Variants in ARHGEF4 observed in about 807,000 individuals in gnomAD.
ARHGEF4 encodes APC-stimulated guanine nucleotide exchange factor 1.
Under a neutral mutation model 162.0 loss-of-function variants are expected in ARHGEF4, and 119 were observed. The ratio of observed to expected loss-of-function variants is 0.73; its 90% CI spans 0.63 to 0.86. ARHGEF4 has a LOEUF of 0.86. Ranked by LOEUF, ARHGEF4 falls within the 40% of genes least tolerant of loss-of-function variation. The pLI is 0.00. For synonymous variants in ARHGEF4, 1,014 were observed against 979.9 expected (o/e 1.03, Z -0.65); for missense variants, 2,488 against 2,456.0 (o/e 1.01, Z -0.28).
chr2:131,029,551 C>T (rs367958667), intron 5 of ARHGEF4, among the ~76,000 whole-genome samples: 1 of 141,050 alleles, frequency 7.1e-6, no homozygotes, highest in African/African-American at 2.7e-5. Context: ...TGTGCTTTTC[C>T]TTTTTTTTTT....
At chr2:131,045,533 A>G (rs149686821) in intron 13 of ARHGEF4, 87 bp downstream of exon 13, 1 of 1,612,474 alleles carries the variant, frequency 6.2e-7, no homozygotes, top group African/African-American at 1.3e-5. Flanking sequence ...AAGCCAAGCC[A>G]GCTAGCCACC....
chr2:131,025,830 C>T (rs970443244), intron 4 of ARHGEF4, among the ~76,000 whole-genome samples: 1 of 152,152 alleles, frequency 6.6e-6, no homozygotes, highest in Admixed American at 6.5e-5. Flanking sequence ...CTCTCACAGA[C>T]GAGAAAATGT....
At chr2:130,921,552 AGT>A (rs1346511692) in intron 2 of ARHGEF4, among the ~76,000 whole-genome samples, 1 of 152,168 alleles carries the variant, frequency 6.6e-6, no homozygotes, top group African/African-American at 2.4e-5. Context: ...TCTCATTAGG[AGT>A]ATCCTTTGCT....
intron 4 of ARHGEF4, among the ~76,000 whole-genome samples, chr2:130,996,071 G>A (rs1687371614): frequency 6.6e-6 from 1 of 151,962 alleles, no homozygotes; most frequent in African/African-American, 2.4e-5. Context: ...TGTATTTTTA[G>A]TAGAGACGGG....
chr2:130,962,313 T>C (rs1003434189), intron 4 of ARHGEF4, among the ~76,000 whole-genome samples: 1 of 151,514 alleles, frequency 6.6e-6, no homozygotes, highest in Non-Finnish European at 1.5e-5. Context: ...AGGCACTCTT[T>C]CCTGGAGGAA....
At chr2:131,036,837 G>A (rs986382196) in intron 5 of ARHGEF4, among the ~76,000 whole-genome samples, 2 of 152,162 alleles carry the variant, frequency 1.3e-5, no homozygotes, top group Non-Finnish European at 2.9e-5. Flanking sequence ...TACAGCTCAC[G>A]CTCTCACTGG....
intron 2 of ARHGEF4, among the ~76,000 whole-genome samples, chr2:130,927,009 G>T (rs185738023): frequency 2.0e-5 from 3 of 151,672 alleles, no homozygotes; most frequent in East Asian, 3.9e-4. Flanking sequence ...GGTTATCTTG[G>T]GGTTGGCATG....
At position 130,836,935 on chromosome 2, in the gene ARHGEF4, G is replaced by T; in HGVS notation, c.-19G>T. On this transcript the variant is annotated 5_prime_UTR_variant, in exon 1 of 14. Transcript: ENST00000409359. The stretch of plus-strand genomic sequence containing the variant: ...GCTCGTAGTGCTGCGGCCGGGCTCC[G>T]GGCGTCCCGGCGGCCACCATGCTCA... 1.6e-6 allele frequency: 2 copies of T among 1,224,514 alleles called. No individual in the cohort carries two copies. The highest frequency in any genetic ancestry group is 8.2e-5 in the South Asian group (2 of 24,268). 75.9% of individuals were successfully genotyped at this position (1,224,514 alleles called of 1,614,324 possible). A position where few individuals can be genotyped will look rare whatever the true frequency, so the allele number is the denominator to read the frequency against.
At position 131,041,218 on chromosome 2, in the gene ARHGEF4, T is replaced by C. The variant is rs1285856542; in HGVS notation, c.4663-12T>C. ...GCAGAGAGCTCTGCTAACCTCCAGC[T>C]GTGCCCCTTAGCAAGCCGACTTCCA... On this transcript the variant is annotated splice_polypyrimidine_tract_variant and intron_variant, in intron 8 of 13. Transcript: ENST00000409359. 5 of 1,610,292 alleles carry C rather than the reference T, an allele frequency of 3.1e-6. No individual in the cohort carries two copies. In the African/African-American group the frequency reaches 6.7e-5, roughly 21 times the overall value.
chr2:130,963,627 C>CCCG (rs1379160137), intron 4 of ARHGEF4: 1 of 147,154 alleles, frequency 6.8e-6, no homozygotes, highest in Non-Finnish European at 1.5e-5. Context: ...CGCGCCCGCG[C>CCCG]CCGCCGCCGC....
At chr2:130,926,329 G>A (rs1485043510) in intron 2 of ARHGEF4, among the ~76,000 whole-genome samples, 1 of 151,750 alleles carries the variant, frequency 6.6e-6, no homozygotes, top group African/African-American at 2.4e-5. Flanking sequence ...GCTTTTTGAA[G>A]CATTTTTATG....
At chr2:130,953,195 G>C (rs1280043121) in intron 4 of ARHGEF4, among the ~76,000 whole-genome samples, 2 of 152,138 alleles carry the variant, frequency 1.3e-5, no homozygotes, top group Non-Finnish European at 2.9e-5. Flanking sequence ...CATGGTACTG[G>C]TACCAAAACA....
At chr2:131,015,209 C>T (rs1352230295) in intron 4 of ARHGEF4, among the ~76,000 whole-genome samples, 1 of 152,246 alleles carries the variant, frequency 6.6e-6, no homozygotes, top group African/African-American at 2.4e-5. Context: ...GTCTCTGCAG[C>T]AGAGCGCATT....
intron 4 of ARHGEF4, among the ~76,000 whole-genome samples, chr2:130,997,567 T>C (rs1270173703): frequency 6.6e-6 from 1 of 152,192 alleles, no homozygotes; most frequent in Admixed American, 6.5e-5. Flanking sequence ...ACTTTCTCCA[T>C]TACATAGAGT....
chr2:130,844,289 C>T (rs185557219), intron 1 of ARHGEF4, among the ~76,000 whole-genome samples: 176 of 152,338 alleles, frequency 1.2e-3, no homozygotes, highest in African/African-American at 4.0e-3. Context: ...ATTGGCCCAT[C>T]CCTGGCTCCG....
At chr2:130,982,227 G>A (rs948990681) in intron 4 of ARHGEF4, among the ~76,000 whole-genome samples, 1 of 152,002 alleles carries the variant, frequency 6.6e-6, no homozygotes, top group Non-Finnish European at 1.5e-5. Context: ...TCGAACTCCT[G>A]ACCTCAGGTG....
chr2:130,879,456 A>T lies in ARHGEF4; in HGVS notation c.40-34530A>T, dbSNP rs539802794. On this transcript the variant is annotated intron_variant, in intron 1 of 13. Coordinates refer to ENST00000409359, the MANE Select transcript of ARHGEF4 (RefSeq NM_001367493.1). ...CTTGCTTTTTTGATGAGAACTGTCA[A>T]AATCTACCCTTTTAGTAATTTTCAA... Among the ~76,000 whole-genome samples, 8 of 152,312 alleles carry T rather than the reference A, an allele frequency of 5.3e-5. No individual in the cohort carries two copies. In the South Asian group the frequency reaches 1.4e-3, roughly 28 times the overall value.
At chr2:130,941,267 C>A (rs867882173) in intron 3 of ARHGEF4, among the ~76,000 whole-genome samples, 1 of 149,134 alleles carries the variant, frequency 6.7e-6, no homozygotes, top group South Asian at 2.1e-4. Context: ...AGTGCAGTGG[C>A]GTGATCTCAG....
chr2:130,958,915 C>T (rs372665853), intron 4 of ARHGEF4, among the ~76,000 whole-genome samples: 1 of 151,656 alleles, frequency 6.6e-6, no homozygotes, highest in East Asian at 1.9e-4. Flanking sequence ...TGGCTGTGCT[C>T]ATGGCATATC....
Sources: allele counts gnomAD v4.1 joint callset (sites outside exome capture counted in the v4.1 genomes callset), GRCh38; gene constraint gnomAD v4.1.1; transcripts MANE v1.5; gene names NCBI Gene and HGNC (gene_info 2026-07-23, HGNC 2026-07-21).